BAAT: variants seen among roughly 807,000 people sequenced by gnomAD.
BAAT encodes the protein bile acid CoA: amino acid N-acyltransferase (glycine N-choloyltransferase).
BAAT carries 13 observed loss-of-function variants against 18.9 expected under a neutral mutation model. The observed-to-expected ratio is 0.69, with a 90% CI of 0.45 to 1.10. The LOEUF (loss-of-function observed/expected upper bound fraction) is 1.10. Ranked by LOEUF, BAAT falls within the 50% of genes least tolerant of loss-of-function variation. BAAT has a pLI of 0.00. For missense variants in BAAT, 489 were observed against 504.0 expected (o/e 0.97, Z 0.28); for synonymous variants, 170 against 190.7 (o/e 0.89, Z 0.89).
At position 101,360,672 on chromosome 9, in the gene BAAT, T is replaced by C. The variant is rs1046504266; in HGVS notation, c.*1756A>G. 3.3e-5 allele frequency: 5 copies of C among 152,392 alleles called. No individual in the cohort carries two copies. The highest frequency in any genetic ancestry group is 2.6e-4 in the Admixed American group (4 of 15,236). 9.4% of individuals were successfully genotyped at this position (152,392 alleles called of 1,614,324 possible). A position where few individuals can be genotyped will look rare whatever the true frequency, so the allele number is the denominator to read the frequency against. Reference sequence around the variant, plus strand: ...CACTATCATACTCTCATGAGGACAGTACCAAGCCATGAGGGTCCACCCCCA... The same window carrying C: ...CACTATCATACTCTCATGAGGACAGCACCAAGCCATGAGGGTCCACCCCCA... On this transcript the variant is annotated 3_prime_UTR_variant, in exon 4 of 4. Coordinates refer to ENST00000259407, the MANE Select transcript of BAAT (RefSeq NM_001701.4).
At chr9:101,370,320 C>CTTTTTT (rs749077224) in intron 2 of BAAT, among the ~76,000 whole-genome samples, 136 of 103,688 alleles carry the variant, frequency 1.3e-3, no homozygotes, top group Middle Eastern at 6.8e-3. Context: ...ATGCATTATC[C>CTTTTTT]TTTTTTTTTT....
At position 101,361,831 on chromosome 9, in the gene BAAT, A is replaced by T. The variant is rs2119011796; in HGVS notation, c.*597T>A. ...CAAGGCTCTTCCAGTCTTAGTTATT[A>T]TGTCTCAGTTATGTGCCAATGGGCA... On this transcript the variant is annotated 3_prime_UTR_variant, in exon 4 of 4. Coordinates refer to ENST00000259407, the MANE Select transcript of BAAT (RefSeq NM_001701.4). The T allele has an allele frequency of 6.5e-6, 1 of 153,252 alleles. No homozygotes were observed. The allele number at this position is 153,252 out of a possible 1,614,324, so 9.5% of individuals were successfully genotyped here.
chr9:101,370,812 A>C, intron 2 of BAAT, 127 bp downstream of exon 2: 1 of 1,091,050 alleles, frequency 9.2e-7, no homozygotes, highest in South Asian at 1.3e-5. Context: ...TAATGCATTT[A>C]AGGTGGAAAA....
chr9:101,367,108 CAAAAAAAGAAA>C (rs1829842744), intron 3 of BAAT, among the ~76,000 whole-genome samples: 1 of 39,376 alleles, frequency 2.5e-5, no homozygotes, highest in African/African-American at 1.0e-4. Flanking sequence ...GAGACTCTGT[CAAAAAAAGAAA>C]AAAAAAAAAA....
chr9:101,371,804 T>C (rs1829950952), intron 1 of BAAT, among the ~76,000 whole-genome samples: 1 of 152,066 alleles, frequency 6.6e-6, no homozygotes, highest in Non-Finnish European at 1.5e-5. Context: ...AAAAATAAGA[T>C]GTGGGTTTGA....
intron 1 of BAAT, chr9:101,376,315 G>T (rs1247029870): frequency 4.9e-6 from 1 of 204,986 alleles, no homozygotes. Flanking sequence ...TTTCCTAGAT[G>T]CAAGGCCAGT....
At chr9:101,369,704 T>G (rs1335951192) in intron 2 of BAAT, among the ~76,000 whole-genome samples, 3 of 152,202 alleles carry the variant, frequency 2.0e-5, no homozygotes, top group Non-Finnish European at 4.4e-5. Flanking sequence ...GTGGTCTATA[T>G]GCTATTTACT....
chr9:101,367,144 A>G (rs1030527799), intron 3 of BAAT, among the ~76,000 whole-genome samples: 8 of 151,584 alleles, frequency 5.3e-5, no homozygotes, highest in Admixed American at 5.3e-4. Context: ...AGGAAAGGAA[A>G]GAAAAAATAT....
chr9:101,365,932 G>T (rs952968482), intron 3 of BAAT, among the ~76,000 whole-genome samples: 2 of 152,144 alleles, frequency 1.3e-5, no homozygotes, highest in Non-Finnish European at 2.9e-5. Context: ...AACAAATCAG[G>T]CTGATTAACA....
intron 2 of BAAT, among the ~76,000 whole-genome samples, chr9:101,369,128 C>T (rs1305201346): frequency 2.0e-5 from 3 of 152,120 alleles, no homozygotes; most frequent in Non-Finnish European, 2.9e-5. Context: ...AGAGCCCACA[C>T]ACTGAAAGAA....
At chr9:101,364,366 G>A (rs1805174053) in intron 3 of BAAT, among the ~76,000 whole-genome samples, 1 of 152,160 alleles carries the variant, frequency 6.6e-6, no homozygotes, top group African/African-American at 2.4e-5. Flanking sequence ...GAGTCATTTT[G>A]TGACCTTCAG....
intron 3 of BAAT, among the ~76,000 whole-genome samples, chr9:101,363,947 T>G (rs1022420174): frequency 6.6e-6 from 1 of 152,124 alleles, no homozygotes; most frequent in Admixed American, 6.6e-5. Flanking sequence ...AGTTCAAGGC[T>G]TTAGTGAGCT....
chr9:101,380,406 G>A (rs1455352434), intron 1 of BAAT, among the ~76,000 whole-genome samples: 2 of 152,142 alleles, frequency 1.3e-5, no homozygotes, highest in East Asian at 1.9e-4. Context: ...CCTATTAAAT[G>A]TTTCTCTCTG....
At position 101,362,493 on chromosome 9, in the gene BAAT, C is replaced by T. The variant is rs758485020; in HGVS notation, c.1192G>A (p.Ala398Thr). Residue 398 changes from alanine (A) to threonine (T), a missense_variant, in exon 4 of 4, where the codon GCT (alanine) becomes ACT (threonine). Transcript: ENST00000259407. ...AGAAATCTCTGGATCTCCTTCCAAG[C>T]ATGTTCCTGTGCAGCTGCGTGTGGG... ...VIPHAAAQEH[A>T]WKEIQRFLRK... The T allele has an allele frequency of 8.7e-6, 14 of 1,613,982 alleles. No homozygotes were observed. In the Admixed American group the frequency reaches 2.3e-4, roughly 27 times the overall value.
chr9:101,373,309 T>C (rs1829987479), intron 1 of BAAT, among the ~76,000 whole-genome samples: 1 of 152,174 alleles, frequency 6.6e-6, no homozygotes, highest in Admixed American at 6.6e-5. Flanking sequence ...TCATGTCTTT[T>C]GCAGGAACAG....
chr9:101,372,275 C>T (rs1829964019), intron 1 of BAAT, among the ~76,000 whole-genome samples: 1 of 132,322 alleles, frequency 7.6e-6, no homozygotes, highest in Non-Finnish European at 1.6e-5. Context: ...ACATATACCC[C>T]CGATCCTAAA....
rs564461300 is a variant in BAAT, at chr9:101,380,168, C to T, written c.-60+4687G>A. Among the ~76,000 whole-genome samples, 203 of 152,190 alleles carry T rather than the reference C, an allele frequency of 1.3e-3. 1 individual carries two copies. Among genetic ancestry groups the T allele is most frequent in the Admixed American group, 2.7e-3 (42 of 15,276 alleles). On this transcript the variant is annotated intron_variant, in intron 1 of 3. Transcript: ENST00000259407. Reference sequence around the variant, plus strand: ...TCTTGAATTCTAATCTGCCAGTTGACATCTGATTAATCCCACTTCTAGGAA... The same window carrying T: ...TCTTGAATTCTAATCTGCCAGTTGATATCTGATTAATCCCACTTCTAGGAA...
chr9:101,364,229 T>C (rs1829786881), intron 3 of BAAT, among the ~76,000 whole-genome samples: 1 of 152,170 alleles, frequency 6.6e-6, no homozygotes, highest in Non-Finnish European at 1.5e-5. Context: ...GGCCAACATA[T>C]TCTACCTAAG....
intron 2 of BAAT, among the ~76,000 whole-genome samples, 156 bp from the exon 3 acceptor site, chr9:101,368,478 C>T (rs1337917907): frequency 2.0e-5 from 3 of 151,900 alleles, no homozygotes; most frequent in Non-Finnish European, 4.4e-5. Context: ...AGCAGAAATG[C>T]AAAATTACAT....
Sources: gnomAD v4.1 joint callset for allele counts (sites outside exome capture counted in the v4.1 genomes callset) on GRCh38, gnomAD v4.1.1 for gene constraint, MANE v1.5 for transcripts, NCBI Gene and HGNC (gene_info 2026-07-23, HGNC 2026-07-21) for gene names.